NEK11: variants seen among roughly 807,000 people sequenced by gnomAD.
NEK11 encodes NIMA related kinase 11, also known as serine/threonine-protein kinase Nek11.
NEK11 carries 72 observed loss-of-function variants against 80.7 expected under a neutral mutation model. The ratio of observed to expected loss-of-function variants is 0.89; its 90% CI spans 0.74 to 1.08. NEK11 has a LOEUF of 1.08. NEK11 is among the 50% of genes least tolerant of loss of function. NEK11 has a pLI of 0.00. For synonymous variants in NEK11, 251 were observed against 260.7 expected (o/e 0.96, Z 0.36); for missense variants, 764 against 763.6 (o/e 1.00, Z -0.01).
Position 131,162,360 on chromosome 3 carries a change from G to T in NEK11, c.963-48G>T. ...TATAAAATATTTGTTTAATTTTTCT[G>T]AACATGTTTGGGATGGGCTATATGA... On this transcript the variant is annotated intron_variant, in intron 10 of 17. Coordinates refer to ENST00000383366, the MANE Select transcript of NEK11 (RefSeq NM_024800.5). The T allele has an allele frequency of 2.5e-6, 4 of 1,584,034 alleles. No individual in the cohort carries two copies. In the South Asian group the frequency reaches 4.7e-5, roughly 18 times the overall value.
At chr3:131,298,023 A>G (rs202171154) in intron 17 of NEK11, among the ~76,000 whole-genome samples, 1 of 136,588 alleles carries the variant, frequency 7.3e-6, no homozygotes, top group South Asian at 2.4e-4. Context: ...ATTGATCTAT[A>G]TCTCTGTTTT....
intron 15 of NEK11, among the ~76,000 whole-genome samples, chr3:131,230,641 A>C (rs1253063894): frequency 6.6e-6 from 1 of 152,222 alleles, no homozygotes; most frequent in Admixed American, 6.5e-5. Context: ...ATTCCTTCTT[A>C]TTAGTCTTAA....
chr3:131,070,362 T>G (rs888957948), intron 3 of NEK11, among the ~76,000 whole-genome samples: 1 of 152,216 alleles, frequency 6.6e-6, no homozygotes, highest in African/African-American at 2.4e-5. Context: ...CACACAAAAT[T>G]ATACCTTCAG....
intron 5 of NEK11, among the ~76,000 whole-genome samples, chr3:131,115,773 T>C (rs542768135): frequency 6.6e-6 from 1 of 152,178 alleles, no homozygotes; most frequent in East Asian, 1.9e-4. Context: ...GCTTTCCAAG[T>C]AGAGGAGAGA....
At chr3:131,135,635 A>G (rs1357613724) in intron 7 of NEK11, among the ~76,000 whole-genome samples, 1 of 152,154 alleles carries the variant, frequency 6.6e-6, no homozygotes, top group African/African-American at 2.4e-5. Flanking sequence ...TCGAATTTCA[A>G]TTATATACCT....
intron 3 of NEK11, among the ~76,000 whole-genome samples, chr3:131,067,851 TA>T (rs1485913282): frequency 3.3e-5 from 5 of 152,220 alleles, no homozygotes; most frequent in Non-Finnish European, 7.3e-5. Context: ...AACTATAGTT[TA>T]AAGAATTTGG....
chr3:131,190,736 G>C (rs983351390), intron 14 of NEK11, among the ~76,000 whole-genome samples: 1 of 152,126 alleles, frequency 6.6e-6, no homozygotes, highest in Non-Finnish European at 1.5e-5. Context: ...GTTTAGTGGG[G>C]CATTGAATCT....
At chr3:131,205,741 T>G (rs2094423989) in intron 14 of NEK11, among the ~76,000 whole-genome samples, 1 of 152,194 alleles carries the variant, frequency 6.6e-6, no homozygotes, top group Non-Finnish European at 1.5e-5. Flanking sequence ...AAGTTAGGCC[T>G]TGTGGACCTC....
chr3:131,128,558 T>G (rs2083782472), intron 5 of NEK11, among the ~76,000 whole-genome samples: 2 of 152,384 alleles, frequency 1.3e-5, no homozygotes, highest in South Asian at 4.1e-4. Flanking sequence ...ATTCCGCTAC[T>G]GAAGGACACT....
At position 131,337,116 on chromosome 3, in the gene NEK11, T is replaced by C. The variant is rs1263566231; in HGVS notation, c.1719-12441T>C. Among the ~76,000 whole-genome samples, 7 of 152,290 alleles carry C rather than the reference T, an allele frequency of 4.6e-5. No individual in the cohort carries two copies. The South Asian group carries it at 1.2e-3, about 27-fold the overall frequency. ...TTGACCCAGCCATCCCATTACTGGG[T>C]ATATACCCAAAGGACTATAAATCAT... is the stretch of plus-strand genomic sequence containing the variant. On this transcript the variant is annotated intron_variant, in intron 17 of 17. Transcript: ENST00000383366.
At chr3:131,270,375 T>A (rs1337971994) in intron 16 of NEK11, among the ~76,000 whole-genome samples, 1 of 152,150 alleles carries the variant, frequency 6.6e-6, no homozygotes, top group Non-Finnish European at 1.5e-5. Flanking sequence ...AAACGTAGAA[T>A]CCCAAGCCCT....
At position 131,045,241 on chromosome 3, in the gene NEK11, C is replaced by T. The variant is rs187347772; in HGVS notation, c.170+15363C>T. Among the ~76,000 whole-genome samples the T allele has an allele frequency of 3.2e-3, 486 of 152,242 alleles. 3 individuals are homozygous for T. The highest frequency in any genetic ancestry group is 0.011 in the African/African-American group (458 of 41,548). Reference sequence around the variant, plus strand: ...GATGTGAGCAAGAAAGACCTAAAATCGACAATTGTCTATTTGTGCCCTTTT... The same window carrying T: ...GATGTGAGCAAGAAAGACCTAAAATTGACAATTGTCTATTTGTGCCCTTTT... On this transcript the variant is annotated intron_variant, in intron 3 of 17. Coordinates refer to ENST00000383366, the MANE Select transcript of NEK11 (RefSeq NM_024800.5).
chr3:131,163,550 A>C (rs1030397335), intron 11 of NEK11, among the ~76,000 whole-genome samples: 3 of 152,158 alleles, frequency 2.0e-5, no homozygotes, highest in Non-Finnish European at 4.4e-5. Context: ...TTAAATTCAC[A>C]AAAGGGGAGA....
chr3:131,063,129 GTCC>G (rs2071222785), intron 3 of NEK11, among the ~76,000 whole-genome samples: 1 of 152,180 alleles, frequency 6.6e-6, no homozygotes, highest in Non-Finnish European at 1.5e-5. Flanking sequence ...GGGTTAGGCA[GTCC>G]TCCTGCCTCA....
At chr3:131,084,798 C>T (rs552093084) in intron 4 of NEK11, among the ~76,000 whole-genome samples, 8 of 152,306 alleles carry the variant, frequency 5.3e-5, no homozygotes, top group East Asian at 1.9e-4. Flanking sequence ...GCCTGAGGCC[C>T]ACCTCTGGAA....
intron 17 of NEK11, among the ~76,000 whole-genome samples, 160 bp downstream of exon 17, chr3:131,273,734 C>A (rs1402326293): frequency 1.3e-5 from 2 of 152,202 alleles, no homozygotes; most frequent in African/African-American, 4.8e-5. Flanking sequence ...CTCTAAAATT[C>A]ACTTTCTGTA....
intron 3 of NEK11, among the ~76,000 whole-genome samples, chr3:131,049,041 G>C (rs374492115): frequency 1.1e-4 from 16 of 152,292 alleles, no homozygotes; most frequent in African/African-American, 3.4e-4. Context: ...GCGAACCTAA[G>C]GCTTGAACTA....
chr3:131,260,530 T>C (rs1444728774), intron 16 of NEK11, among the ~76,000 whole-genome samples: 1 of 152,192 alleles, frequency 6.6e-6, no homozygotes, highest in Non-Finnish European at 1.5e-5. Context: ...GCCATGCTCA[T>C]TCATTTACCT....
intron 3 of NEK11, among the ~76,000 whole-genome samples, chr3:131,057,616 A>G (rs959039263): frequency 9.9e-5 from 15 of 152,092 alleles, no homozygotes; most frequent in Admixed American, 4.6e-4. Context: ...TGTGGTTTTG[A>G]TTTGCATTTC....
Sources: allele counts gnomAD v4.1 joint callset (sites outside exome capture counted in the v4.1 genomes callset), GRCh38; gene constraint gnomAD v4.1.1; transcripts MANE v1.5; gene names NCBI Gene and HGNC (gene_info 2026-07-23, HGNC 2026-07-21).